The following GJA5 variants were observed in gnomAD, a reference collection of about 807,000 sequenced individuals.
GJA5 encodes the protein gap junction protein alpha 5.
A neutral mutation model predicts 7.9 loss-of-function variants in GJA5; 3 were observed. The ratio of observed to expected loss-of-function variants is 0.38; its 90% CI spans 0.17 to 0.99. GJA5 has a LOEUF of 0.99. Ranked by LOEUF, GJA5 falls within the 50% of genes least tolerant of loss-of-function variation. The pLI is 0.38. For synonymous variants in GJA5, 193 were observed against 181.0 expected, an observed-to-expected ratio of 1.07 and a Z score of -0.53; for missense variants, 390 against 457.9, an observed-to-expected ratio of 0.85 and a Z score of 1.35.
chr1:147,758,548 A>G lies in GJA5; in HGVS notation c.691T>C (p.Trp231Arg). The G allele has an allele frequency of 6.2e-7, 1 of 1,613,692 alleles. No homozygotes were observed. The highest frequency in any genetic ancestry group is 8.5e-7 in the Non-Finnish European group (1 of 1,179,614). The change falls in exon 2 of 2, where the codon TGG becomes CGG. Residue 231 changes from tryptophan (W) to arginine (R), a missense_variant. Coordinates refer to ENST00000579774, the MANE Select transcript of GJA5 (RefSeq NM_181703.4). Reference sequence around the variant, plus strand: ...ACAAATCGCTGTCTGATCTTCTTCCAGCCCAGGTGGTAGAGTTCAGCCAGG... The same window carrying G: ...ACAAATCGCTGTCTGATCTTCTTCCGGCCCAGGTGGTAGAGTTCAGCCAGG... ...LSLAELYHLG[W>R]KKIRQRFVKP...
chr1:147,764,690 G>A (rs1553227872), upstream of GJA5, among the ~76,000 whole-genome samples: 1 of 152,072 alleles, frequency 6.6e-6, no homozygotes, highest in Non-Finnish European at 1.5e-5. Flanking sequence ...CCAGTGTGGT[G>A]GTGGGCACCT....
intron 1 of GJA5, among the ~76,000 whole-genome samples, chr1:147,771,002 C>T (rs1233999814): frequency 2.0e-5 from 3 of 152,140 alleles, no homozygotes; most frequent in Non-Finnish European, 4.4e-5. Flanking sequence ...ACACAGAGAG[C>T]TACTGGAATC....
chr1:147,764,058 G>A (rs781971959), upstream of GJA5, among the ~76,000 whole-genome samples: 12 of 152,026 alleles, frequency 7.9e-5, no homozygotes, highest in South Asian at 4.2e-4. Context: ...TGATCCTCCC[G>A]CCTTGGCCTC....
chr1:147,762,546 T>C (rs1664057754), upstream of GJA5, among the ~76,000 whole-genome samples: 1 of 152,140 alleles, frequency 6.6e-6, no homozygotes, highest in Non-Finnish European at 1.5e-5. Flanking sequence ...AAGGCAGTAT[T>C]AGGAAGGATA....
upstream of GJA5, among the ~76,000 whole-genome samples, chr1:147,761,572 G>C (rs1664019288): frequency 6.6e-6 from 1 of 152,226 alleles, no homozygotes. Flanking sequence ...GACCCATGCA[G>C]GTCTTGAGGC....
chr1:147,761,256 G>A (rs79030318), upstream of GJA5, among the ~76,000 whole-genome samples: 15,026 of 152,238 alleles, frequency 0.099, 900 homozygotes, highest in Non-Finnish European at 0.13. Flanking sequence ...CCTCAGATTT[G>A]GGTGGGTCCT....
intron 1 of GJA5, among the ~76,000 whole-genome samples, chr1:147,769,941 C>G (rs782626583): frequency 1.3e-5 from 2 of 151,940 alleles, no homozygotes; most frequent in South Asian, 2.1e-4. Flanking sequence ...TGGGATGCCT[C>G]TCTTCTGAGA....
Position 147,772,281 on chromosome 1 carries a change from G to A in GJA5, c.-34+971C>T, listed in dbSNP as rs960322539. On this transcript the variant is annotated intron_variant, in intron 1 of 1. Coordinates refer to the GJA5 transcript ENST00000430508. ...TCCCTCTATTATAATGGAATACTGC[G>A]AGGGAGAATAAGGAAAAAACTGAGC... is the stretch of plus-strand genomic sequence containing the variant. Among the ~76,000 whole-genome samples, 12 of 152,278 alleles carry A rather than the reference G, an allele frequency of 7.9e-5. No homozygotes were observed. In the Middle Eastern group the frequency reaches 0.01, roughly 129 times the overall value.
upstream of GJA5, among the ~76,000 whole-genome samples, chr1:147,765,200 C>T (rs985394738): frequency 4.6e-5 from 7 of 152,120 alleles, no homozygotes; most frequent in South Asian, 2.1e-4. Flanking sequence ...TGTTCAAGAC[C>T]GAATACCTTC....
chr1:147,767,998 G>T (rs1190105987), intron 1 of GJA5, among the ~76,000 whole-genome samples: 1 of 152,106 alleles, frequency 6.6e-6, no homozygotes, highest in Non-Finnish European at 1.5e-5. Flanking sequence ...TTACATTTGG[G>T]GTAACTACTT....
chr1:147,762,993 C>T (rs138440535), upstream of GJA5, among the ~76,000 whole-genome samples: 1 of 152,348 alleles, frequency 6.6e-6, no homozygotes, highest in Non-Finnish European at 1.5e-5. Context: ...TCCTCACTGG[C>T]TTCCTACCAC....
Position 147,758,404 on chromosome 1 carries a change from A to G in GJA5, c.835T>C (p.Phe279Leu). 1.2e-6 allele frequency: 2 copies of G among 1,613,972 alleles called. No individual in the cohort carries two copies. The highest frequency in any genetic ancestry group is 1.7e-6 in the Non-Finnish European group (2 of 1,179,986). The change falls in exon 2 of 2, where the codon TTC becomes CTC. Residue 279 changes from phenylalanine to leucine, a missense_variant. Phe to Leu is a conservative substitution (Grantham distance 22). This residue lies in a region of GJA5 where 354 missense variants were observed against 370.9 expected (regional missense o/e 0.95). Transcript: ENST00000579774. ...QCLENGPGGK[F>L]FNPFSNNMAS... ...ATATTATTGCTGAAGGGATTGAAGA[A>G]TTTTCCCCCAGGGCCATTCTCCAGG...
At chr1:147,761,514 TC>T (rs1664016479), upstream of GJA5, among the ~76,000 whole-genome samples, 1 of 152,148 alleles carries the variant, frequency 6.6e-6, no homozygotes, top group Non-Finnish European at 1.5e-5. Flanking sequence ...ATGAGGGAGT[TC>T]CTGAGTGAGC....
At chr1:147,762,893 A>T (rs1280160329), upstream of GJA5, among the ~76,000 whole-genome samples, 2 of 152,222 alleles carry the variant, frequency 1.3e-5, no homozygotes, top group Non-Finnish European at 2.9e-5. Flanking sequence ...CTTGGCAGGA[A>T]GTGTATTAGG....
intron 1 of GJA5, among the ~76,000 whole-genome samples, chr1:147,766,045 C>A (rs1168566730): frequency 6.6e-6 from 1 of 152,144 alleles, no homozygotes; most frequent in African/African-American, 2.4e-5. Context: ...AATAGCCTTT[C>A]TAATATAGTA....
In GJA5 at chr1:147,757,007, T is replaced by TG. The variant is rs1252151283; in HGVS notation, c.*1154dup. On this transcript the variant is annotated 3_prime_UTR_variant, in exon 2 of 2. Transcript: ENST00000579774. The stretch of plus-strand genomic sequence containing the variant: ...CTAAAGCCTCCAGGAGAGAGAGATC[T>TG]GGGGGCCTCCATAGCTGTCATCACA... 8 of 152,212 alleles carry TG rather than the reference T, an allele frequency of 5.3e-5. No individual in the cohort carries two copies. Among genetic ancestry groups the TG allele is most frequent in the African/African-American group, 1.9e-4 (8 of 41,442 alleles). The allele number at this position is 152,212 out of a possible 1,614,324, so 9.4% of individuals were successfully genotyped here.
chr1:147,767,992 ATT>A (rs1664270980), intron 1 of GJA5, among the ~76,000 whole-genome samples: 1 of 152,138 alleles, frequency 6.6e-6, no homozygotes, highest in Non-Finnish European at 1.5e-5. Context: ...CCTGATTTAC[ATT>A]TGGGGTAACT....
chr1:147,759,134 G>C lies in GJA5; in HGVS notation c.105C>G (p.Leu35=). The C allele has an allele frequency of 6.2e-7, 1 of 1,612,962 alleles. No homozygotes were observed. The highest frequency in any genetic ancestry group is 8.5e-7 in the Non-Finnish European group (1 of 1,179,142). The change falls in exon 2 of 2, where the codon CTC becomes CTG. Residue 35 remains leucine, a synonymous_variant. Transcript: ENST00000579774. ...AAGACTCAGCAGCTGTGCCCAGCACGAGCATACGGAATATGAAGAGGACAG... is the reference window on the plus strand; with the variant it reads ...AAGACTCAGCAGCTGTGCCCAGCACCAGCATACGGAATATGAAGAGGACAG... The part of the protein sequence containing the change: ...WLTVLFIFRM[L]VLGTAAESSW...
rs1179179008 is a variant in GJA5 at position 147,757,661 on chromosome 1, T to C, written c.*501A>G. 3 of 169,678 alleles carry C rather than the reference T, an allele frequency of 1.8e-5. No homozygotes were observed. The highest frequency in any genetic ancestry group is 1.6e-4 in the Admixed American group (3 of 18,518). 10.5% of individuals were successfully genotyped at this position (169,678 alleles called of 1,614,324 possible). ...GCCATCTCACCACTACTCCGAGGAATGGTCCATGGAGACAACAGATTCAAG... is the reference window on the plus strand; with the variant it reads ...GCCATCTCACCACTACTCCGAGGAACGGTCCATGGAGACAACAGATTCAAG... On this transcript the variant is annotated 3_prime_UTR_variant, in exon 2 of 2. Transcript: ENST00000579774.
Sources: allele counts gnomAD v4.1 joint callset (sites outside exome capture counted in the v4.1 genomes callset), GRCh38; gene constraint gnomAD v4.1.1; regional missense constraint gnomAD v4.1.1; transcripts MANE v1.5; gene names NCBI Gene and HGNC (gene_info 2026-07-23, HGNC 2026-07-21).